Variants in EDAR observed in about 807,000 individuals in gnomAD.
The protein encoded by EDAR is tumor necrosis factor receptor superfamily member EDAR.
EDAR carries 38 observed loss-of-function variants against 51.3 expected under a neutral mutation model. The ratio of observed to expected loss-of-function variants is 0.74; its 90% CI spans 0.57 to 0.97. The LOEUF (loss-of-function observed/expected upper bound fraction) is 0.97. EDAR is among the 50% of genes least tolerant of loss of function. The pLI is 0.00. For synonymous variants in EDAR, 227 were observed against 242.1 expected (o/e 0.94, Z 0.58); for missense variants, 528 against 595.0 (o/e 0.89, Z 1.17).
At chr2:108,908,793 T>TA (rs1429671201) in intron 9 of EDAR, among the ~76,000 whole-genome samples, 3 of 152,156 alleles carry the variant, frequency 2.0e-5, no homozygotes, top group Non-Finnish European at 4.4e-5. Context: ...CTTTTTTTCT[T>TA]AAAAAAAGGA....
intron 10 of EDAR, among the ~76,000 whole-genome samples, chr2:108,907,554 A>G (rs1245961361): frequency 6.6e-6 from 1 of 151,928 alleles, no homozygotes; most frequent in Non-Finnish European, 1.5e-5. Flanking sequence ...AGGCTGAGAC[A>G]GGAGAATTGC....
At chr2:108,978,362 C>A (rs749415490) in intron 1 of EDAR, among the ~76,000 whole-genome samples, 1 of 152,156 alleles carries the variant, frequency 6.6e-6, no homozygotes, top group Admixed American at 6.5e-5. Flanking sequence ...GGCCAGGTCT[C>A]CTATTAAGTA....
chr2:108,956,759 G>T (rs1200224892), intron 1 of EDAR, among the ~76,000 whole-genome samples: 2 of 151,382 alleles, frequency 1.3e-5, no homozygotes, highest in Non-Finnish European at 2.9e-5. Context: ...AAGTTTTGAA[G>T]CTCAGCAGGA....
At chr2:108,945,409 G>A (rs775340947) in intron 1 of EDAR, among the ~76,000 whole-genome samples, 2 of 152,104 alleles carry the variant, frequency 1.3e-5, no homozygotes, top group Non-Finnish European at 1.5e-5. Context: ...GAGTATGCTG[G>A]TACTAAAATA....
intron 1 of EDAR, among the ~76,000 whole-genome samples, chr2:108,975,212 G>T (rs1214494490): frequency 6.6e-6 from 1 of 152,232 alleles, no homozygotes; most frequent in Non-Finnish European, 1.5e-5. Context: ...AAGGGGCAAA[G>T]GAGAGAGAGG....
Position 108,928,900 on chromosome 2 carries a change from G to A in EDAR, c.356+298C>T, listed in dbSNP as rs143994940. Among the ~76,000 whole-genome samples, 621 of 152,276 alleles carry A rather than the reference G, an allele frequency of 4.1e-3. 4 individuals are homozygous for A. The highest frequency in any genetic ancestry group is 0.014 in the African/African-American group (578 of 41,564). On this transcript the variant is annotated intron_variant, in intron 4 of 11. Coordinates refer to ENST00000258443, the MANE Select transcript of EDAR (RefSeq NM_022336.4). ...CTTTTTCCCAAAGTGTTTCACATGC[G>A]CTACTGCACTGTAAGTATTCAAGCA...
chr2:108,934,358 CCT>C (rs1697428075), intron 1 of EDAR, among the ~76,000 whole-genome samples: 1 of 152,112 alleles, frequency 6.6e-6, no homozygotes, highest in African/African-American at 2.4e-5. Context: ...GTCGTGATCT[CCT>C]GTTTGTTTTA....
chr2:108,950,342 T>C (rs1574400240), intron 1 of EDAR, among the ~76,000 whole-genome samples: 1 of 152,070 alleles, frequency 6.6e-6, no homozygotes, highest in Non-Finnish European at 1.5e-5. Flanking sequence ...CATCAAATTT[T>C]TGGGCTCGAA....
intron 4 of EDAR, among the ~76,000 whole-genome samples, chr2:108,923,905 C>T (rs1433354059): frequency 1.3e-5 from 2 of 152,218 alleles, no homozygotes; most frequent in East Asian, 3.8e-4. Flanking sequence ...ATCAGTGTGC[C>T]TCTGGGACCC....
chr2:108,935,246 A>T (rs1323511999), intron 1 of EDAR, among the ~76,000 whole-genome samples: 1 of 152,076 alleles, frequency 6.6e-6, no homozygotes, highest in African/African-American at 2.4e-5. Flanking sequence ...CTGTAATCAC[A>T]TCAGCTTATG....
rs966985750 is a variant in EDAR, at chr2:108,894,625, T to G, written c.*2282A>C. Reference sequence around the variant, plus strand: ...AATGTTTTAAAGTATTGCAGAATTATGAATATCTCCACACAAAAATGGCAG... The same window carrying G: ...AATGTTTTAAAGTATTGCAGAATTAGGAATATCTCCACACAAAAATGGCAG... On this transcript the variant is annotated 3_prime_UTR_variant, in exon 12 of 12. Transcript: ENST00000258443. 4 of 152,670 alleles carry G rather than the reference T, an allele frequency of 2.6e-5. No individual in the cohort carries two copies. Among genetic ancestry groups the G allele is most frequent in the Non-Finnish European group, 2.9e-5 (2 of 68,044 alleles). The allele number at this position is 152,670 out of a possible 1,614,324, so 9.5% of individuals were successfully genotyped here.
chr2:108,975,248 G>A lies in EDAR; in HGVS notation c.-19+13712C>T, dbSNP rs144919059. ...ATCTGAACACAGGGATAGCAGCTGCGGCCTCAGGCAGAAAGGTGCAGAGTA... is the reference window on the plus strand; with the variant it reads ...ATCTGAACACAGGGATAGCAGCTGCAGCCTCAGGCAGAAAGGTGCAGAGTA... On this transcript the variant is annotated intron_variant, in intron 1 of 11. Transcript: ENST00000258443. Among the ~76,000 whole-genome samples the A allele has an allele frequency of 1.1e-3, 164 of 152,294 alleles. 2 individuals carry two copies. The highest frequency in any genetic ancestry group is 3.8e-3 in the African/African-American group (159 of 41,566).
rs260631 is a variant in EDAR at position 108,910,631 on chromosome 2, G to A, written c.731-99C>T. 0.79 allele frequency: 1,086,517 copies of A among 1,375,646 alleles called. 437,462 individuals are homozygous for A. The highest frequency in any genetic ancestry group is 0.85 in the Admixed American group (46,437 of 54,418). The allele number at this position is 1,375,646 out of a possible 1,614,324, so 85.2% of individuals were successfully genotyped here. The stretch of plus-strand genomic sequence containing the variant: ...CTCTTCCTGTTGGGCAGAGCTGCCC[G>A]GTGTCTGTGTGGCACCACCCCACGG... On this transcript the variant is annotated intron_variant, in intron 8 of 11. Transcript: ENST00000258443.
chr2:108,986,383 G>C (rs971480661), intron 1 of EDAR, among the ~76,000 whole-genome samples: 3 of 152,158 alleles, frequency 2.0e-5, no homozygotes, highest in African/African-American at 7.2e-5. Context: ...GATACAGGAG[G>C]GGGAGTGTTT....
intron 11 of EDAR, among the ~76,000 whole-genome samples, chr2:108,901,729 CAT>C (rs1028671467): frequency 2.6e-5 from 4 of 152,132 alleles, no homozygotes; most frequent in African/African-American, 9.7e-5. Flanking sequence ...CCTCAAAAAA[CAT>C]AAACTATCAC....
At chr2:108,948,376 C>A (rs1697754856) in intron 1 of EDAR, among the ~76,000 whole-genome samples, 1 of 152,358 alleles carries the variant, frequency 6.6e-6, no homozygotes, top group Middle Eastern at 3.4e-3. Flanking sequence ...GTCTGTTACT[C>A]AGTTCCAAAG....
chr2:108,918,521 G>A (rs1314721273), intron 5 of EDAR, among the ~76,000 whole-genome samples: 1 of 152,150 alleles, frequency 6.6e-6, no homozygotes, highest in African/African-American at 2.4e-5. Context: ...GATAAAAGCT[G>A]GTATGAACTG....
intron 1 of EDAR, among the ~76,000 whole-genome samples, chr2:108,979,526 TG>T (rs1457598312): frequency 2.0e-5 from 3 of 150,128 alleles, no homozygotes. Flanking sequence ...GGAGCTGAAG[TG>T]GGGGCTGGAG....
Position 108,910,475 on chromosome 2 carries a change from G to C in EDAR, c.788C>G (p.Ala263Gly), listed in dbSNP as rs1696899303. The change falls in exon 9 of 12, where the codon GCA (alanine) becomes GGA (glycine). Residue 263 changes from alanine (A) to glycine (G), a missense_variant. By Grantham distance (60) the Ala-to-Gly change is moderately conservative. Transcript: ENST00000258443. ...TTCCACATACCTCTTGGTGGGCTTTGCTGGAGTTGCTGTCAGCTTCTCAAA... is the reference window on the plus strand; with the variant it reads ...TTCCACATACCTCTTGGTGGGCTTTCCTGGAGTTGCTGTCAGCTTCTCAAA... ...DEFEKLTATP[A>G]KPTKSENDAS... The C allele has an allele frequency of 6.2e-7, 1 of 1,613,716 alleles. No homozygotes were observed. The highest frequency in any genetic ancestry group is 1.3e-5 in the African/African-American group (1 of 75,050).
Sources: gnomAD v4.1 joint callset for allele counts (sites outside exome capture counted in the v4.1 genomes callset) on GRCh38, gnomAD v4.1.1 for gene constraint, MANE v1.5 for transcripts, NCBI Gene and HGNC (gene_info 2026-07-23, HGNC 2026-07-21) for gene names.